Variants in NELL1 observed in about 807,000 individuals in gnomAD.
NELL1 encodes protein kinase C-binding protein NELL1.
A neutral mutation model predicts 107.4 loss-of-function variants in NELL1; 76 were observed. The observed-to-expected ratio is 0.71, with a 90% CI of 0.59 to 0.86. The LOEUF (loss-of-function observed/expected upper bound fraction) is 0.86, where lower values mean the gene tolerates loss of function less well. Ranked by LOEUF, NELL1 falls within the 40% of genes least tolerant of loss-of-function variation. NELL1 has a pLI of 0.00. For synonymous variants in NELL1, 353 were observed against 341.2 expected (o/e 1.03, Z -0.38); for missense variants, 1,024 against 1,005.5 (o/e 1.02, Z -0.25).
chr11:20,715,976 A>T (rs1315417692), intron 2 of NELL1, among the ~76,000 whole-genome samples: 4 of 152,228 alleles, frequency 2.6e-5, no homozygotes. Context: ...ATCTTTACAT[A>T]TTGGGGCTAA....
At chr11:21,307,557 A>G (rs1294086819) in intron 14 of NELL1, among the ~76,000 whole-genome samples, 3 of 151,994 alleles carry the variant, frequency 2.0e-5, no homozygotes, top group East Asian at 1.9e-4. Context: ...TCAGCCAAGC[A>G]TGGTTTCTTT....
intron 13 of NELL1, among the ~76,000 whole-genome samples, chr11:21,166,442 A>G (rs1856485483): frequency 2.0e-5 from 3 of 151,880 alleles, no homozygotes; most frequent in Non-Finnish European, 4.4e-5. Context: ...AAAGTTAAAA[A>G]TGACTAAAAC....
intron 12 of NELL1, among the ~76,000 whole-genome samples, chr11:21,092,363 A>T (rs1854541149): frequency 6.6e-6 from 1 of 152,200 alleles, no homozygotes; most frequent in Non-Finnish European, 1.5e-5. Flanking sequence ...GTCTTAAGCA[A>T]GTTACTTAAC....
intron 3 of NELL1, among the ~76,000 whole-genome samples, chr11:20,824,666 C>G (rs1404591173): frequency 6.6e-6 from 1 of 151,270 alleles, no homozygotes; most frequent in East Asian, 1.9e-4. Flanking sequence ...GGAAATGGAG[C>G]AAATATGACT....
chr11:20,863,172 GTGGC>G (rs1849013008), intron 4 of NELL1, among the ~76,000 whole-genome samples: 3 of 152,008 alleles, frequency 2.0e-5, no homozygotes, highest in Middle Eastern at 3.5e-3. Flanking sequence ...CCCAGAAGGG[GTGGC>G]CGGGCAGAGG....
intron 15 of NELL1, among the ~76,000 whole-genome samples, chr11:21,446,538 T>C (rs1853437900): frequency 6.6e-6 from 1 of 152,190 alleles, no homozygotes; most frequent in South Asian, 2.1e-4. Flanking sequence ...AAGTTTTTTG[T>C]CAATGTAGCC....
chr11:21,440,990 G>T (rs970184650), intron 15 of NELL1, among the ~76,000 whole-genome samples: 9 of 152,060 alleles, frequency 5.9e-5, no homozygotes, highest in African/African-American at 2.2e-4. Context: ...CGTATGAAAA[G>T]AAAGAAATGT....
chr11:20,702,225 A>G (rs1456793854), intron 2 of NELL1, among the ~76,000 whole-genome samples: 5 of 152,124 alleles, frequency 3.3e-5, no homozygotes, highest in South Asian at 2.1e-4. Flanking sequence ...GGTCCTTCAC[A>G]TCCCTTGTAA....
chr11:21,332,737 T>C (rs983605243), intron 14 of NELL1, among the ~76,000 whole-genome samples: 2 of 152,020 alleles, frequency 1.3e-5, no homozygotes, highest in Non-Finnish European at 2.9e-5. Context: ...TGTCATTCAC[T>C]TTTAAATTAT....
At chr11:20,979,823 C>T (rs560848276) in intron 12 of NELL1, among the ~76,000 whole-genome samples, 2 of 152,128 alleles carry the variant, frequency 1.3e-5, no homozygotes, top group Admixed American at 1.3e-4. Context: ...TTTACATGAC[C>T]AGGTTGAGGC....
chr11:20,876,504 G>A (rs767347575), intron 4 of NELL1, among the ~76,000 whole-genome samples: 6 of 152,192 alleles, frequency 3.9e-5, no homozygotes, highest in Non-Finnish European at 8.8e-5. Flanking sequence ...GGTGGCTCAT[G>A]CCTGTAATCC....
At chr11:21,045,197 A>T (rs1362738476) in intron 12 of NELL1, among the ~76,000 whole-genome samples, 1 of 152,166 alleles carries the variant, frequency 6.6e-6, no homozygotes, top group Non-Finnish European at 1.5e-5. Context: ...AAACAATGAA[A>T]GTGAGTTGAG....
intron 14 of NELL1, among the ~76,000 whole-genome samples, chr11:21,347,512 G>A (rs981375305): frequency 1.3e-5 from 2 of 152,154 alleles, no homozygotes; most frequent in African/African-American, 4.8e-5. Context: ...TGAGGCAGGA[G>A]AATCGCTTGA....
intron 14 of NELL1, among the ~76,000 whole-genome samples, chr11:21,257,485 A>G (rs1435822532): frequency 6.6e-6 from 1 of 151,948 alleles, no homozygotes; most frequent in Non-Finnish European, 1.5e-5. Flanking sequence ...GGAGAGCCTC[A>G]TCTATGTTGT....
At chr11:21,342,099 C>G (rs1453672214) in intron 14 of NELL1, among the ~76,000 whole-genome samples, 1 of 152,124 alleles carries the variant, frequency 6.6e-6, no homozygotes, top group Non-Finnish European at 1.5e-5. Flanking sequence ...TGTGGAGTGC[C>G]TACAGAAAGC....
chr11:21,415,672 G>A (rs1445715814), intron 15 of NELL1, among the ~76,000 whole-genome samples: 2 of 151,898 alleles, frequency 1.3e-5, no homozygotes, highest in South Asian at 2.1e-4. Context: ...CCCAGGCTGG[G>A]GTTTTTAATC....
At chr11:21,325,948 G>A (rs1267616598) in intron 14 of NELL1, among the ~76,000 whole-genome samples, 2 of 150,338 alleles carry the variant, frequency 1.3e-5, no homozygotes, top group Non-Finnish European at 3.0e-5. Flanking sequence ...CTCATGGTTG[G>A]GTATATCAGT....
intron 12 of NELL1, among the ~76,000 whole-genome samples, chr11:21,059,265 G>GTT (rs59203638): frequency 1.1e-3 from 152 of 143,004 alleles, no homozygotes; most frequent in South Asian, 6.2e-3. Context: ...GTTTTGTTTT[G>GTT]TTTTTTTTTT....
In NELL1 at chr11:21,540,040, G is replaced by A. The variant is rs1029210860; in HGVS notation, c.1786+5526G>A. 2.0e-5 allele frequency among the ~76,000 whole-genome samples: 3 copies of A among 151,934 alleles called. No homozygotes were observed. The South Asian group carries it at 6.2e-4, about 32-fold the overall frequency. Reference sequence around the variant, plus strand: ...ACACCATTTTCTAAAATTTGTTTAAGTGTATTTTTTATAAATTCATAATAT... The same window carrying A: ...ACACCATTTTCTAAAATTTGTTTAAATGTATTTTTTATAAATTCATAATAT... On this transcript the variant is annotated intron_variant, in intron 16 of 19. Coordinates refer to ENST00000357134, the MANE Select transcript of NELL1 (RefSeq NM_006157.5).
Sources: allele counts gnomAD v4.1 joint callset (sites outside exome capture counted in the v4.1 genomes callset), GRCh38; gene constraint gnomAD v4.1.1; transcripts MANE v1.5; gene names NCBI Gene and HGNC (gene_info 2026-07-23, HGNC 2026-07-21).